DHX35: variants seen among roughly 807,000 people sequenced by gnomAD.
DHX35 encodes probable ATP-dependent RNA helicase DHX35.
A neutral mutation model predicts 99.6 loss-of-function variants in DHX35; 84 were observed. That is an observed-to-expected ratio of 0.84 (90% CI 0.71 to 1.01). The LOEUF (loss-of-function observed/expected upper bound fraction) is 1.01. Ranked by LOEUF, DHX35 falls within the 50% of genes least tolerant of loss-of-function variation. The probability of loss-of-function intolerance (pLI) is 0.00; values close to 1 mark genes in which losing one functional copy is unlikely to be tolerated. For synonymous variants in DHX35, 331 were observed against 316.2 expected (o/e 1.05, Z -0.50); for missense variants, 852 against 888.5 (o/e 0.96, Z 0.52).
intron 1 of DHX35, 50 bp downstream of exon 1, chr20:38,962,457 CT>C (rs1219615138): frequency 6.3e-7 from 1 of 1,595,284 alleles, no homozygotes; most frequent in Non-Finnish European, 8.5e-7. Flanking sequence ...TGACTTCGGT[CT>C]TGGCGCCGCG....
At position 39,001,767 on chromosome 20, in the gene DHX35, A is replaced by G. The variant is rs1315123239; in HGVS notation, c.680A>G (p.Asp227Gly). The G allele has an allele frequency of 5.0e-6, 8 of 1,611,928 alleles. No homozygotes were observed. The highest frequency in any genetic ancestry group is 1.7e-4 in the Middle Eastern group (1 of 6,050). ...RDFFNQNETS[D>G]PARDTCVILT... Reference sequence around the variant, plus strand: ...TTCTTTAATCAAAATGAAACCAGTGATCCAGCAAGGGATACATGTGTGATC... The same window carrying G: ...TTCTTTAATCAAAATGAAACCAGTGGTCCAGCAAGGGATACATGTGTGATC... The change falls in exon 9 of 22, where the codon GAT becomes GGT. Residue 227 changes from aspartate to glycine, a missense_variant. Coordinates refer to ENST00000252011, the MANE Select transcript of DHX35 (RefSeq NM_021931.4).
intron 3 of DHX35, among the ~76,000 whole-genome samples, chr20:38,974,436 C>T (rs2086046452): frequency 6.6e-6 from 1 of 152,184 alleles, no homozygotes; most frequent in Non-Finnish European, 1.5e-5. Context: ...GGGGAAGGGA[C>T]AAAGGTGCAC....
intron 7 of DHX35, among the ~76,000 whole-genome samples, chr20:38,993,616 C>T (rs749742593): frequency 5.3e-5 from 8 of 151,932 alleles, no homozygotes; most frequent in African/African-American, 1.5e-4. Flanking sequence ...CTGCCTGCCT[C>T]GGCCTCCCAA....
At chr20:38,970,301 C>T (rs4810248) in intron 2 of DHX35, among the ~76,000 whole-genome samples, 57,438 of 151,976 alleles carry the variant, frequency 0.38, 11,418 homozygotes, top group Middle Eastern at 0.51. Flanking sequence ...TTTCTCCAAA[C>T]AGATAGGCAA....
At chr20:39,024,753 T>C (rs369418215) in intron 17 of DHX35, among the ~76,000 whole-genome samples, 8 of 152,350 alleles carry the variant, frequency 5.3e-5, no homozygotes, top group Admixed American at 3.3e-4. Flanking sequence ...ATCATACTTA[T>C]GAATGCAGAA....
chr20:39,034,426 G>T (rs1021836156), intron 21 of DHX35, 109 bp downstream of exon 21: 2 of 853,552 alleles, frequency 2.3e-6, no homozygotes, highest in Non-Finnish European at 1.9e-6. Flanking sequence ...CCCCCTAGGG[G>T]TGCATAGGGT....
intron 3 of DHX35, among the ~76,000 whole-genome samples, chr20:38,976,584 C>T (rs2086082775): frequency 6.6e-6 from 1 of 152,064 alleles, no homozygotes; most frequent in South Asian, 2.1e-4. Flanking sequence ...AAACATTTAT[C>T]ATTTCTTTGT....
At chr20:39,029,566 C>T (rs2145943653) in intron 19 of DHX35, 1 of 152,108 alleles carries the variant, frequency 6.6e-6, no homozygotes, top group East Asian at 1.9e-4. Flanking sequence ...GAGCTCACCT[C>T]CCCACCCTGA....
chr20:39,023,243 C>G (rs921111243), intron 16 of DHX35, among the ~76,000 whole-genome samples: 6 of 152,156 alleles, frequency 3.9e-5, no homozygotes, highest in Non-Finnish European at 8.8e-5. Flanking sequence ...GTTAAGTAAC[C>G]AAGCTGAGTT....
intron 1 of DHX35, among the ~76,000 whole-genome samples, chr20:38,963,961 A>G (rs1180984009): frequency 6.6e-6 from 1 of 152,216 alleles, no homozygotes; most frequent in African/African-American, 2.4e-5. Context: ...TAGTCACTTA[A>G]ATTCTCAAAG....
chr20:38,998,875 C>T (rs1021612318), intron 8 of DHX35, among the ~76,000 whole-genome samples: 5 of 152,178 alleles, frequency 3.3e-5, no homozygotes, highest in African/African-American at 1.2e-4. Context: ...CGGCCCACTG[C>T]AGCCTCCGCC....
At position 39,006,013 on chromosome 20, in the gene DHX35, CTT is replaced by C. The variant is rs1156506299; in HGVS notation, c.1012-131_1012-130del. 2.9e-6 allele frequency: 3 copies of C among 1,033,852 alleles called. No individual in the cohort carries two copies. The African/African-American group carries it at 4.8e-5, about 17-fold the overall frequency. The allele number at this position is 1,033,852 out of a possible 1,614,324, so 64.0% of individuals were successfully genotyped here. A position where few individuals can be genotyped will look rare whatever the true frequency, so the allele number is the denominator to read the frequency against. ...ACCCCCTGACTTGGAAACTCACAGT[CTT>C]TCTAGTATATTAAACTGCCTCTCAC... On this transcript the variant is annotated intron_variant, in intron 11 of 21. Coordinates refer to ENST00000252011, the MANE Select transcript of DHX35 (RefSeq NM_021931.4).
intron 1 of DHX35, among the ~76,000 whole-genome samples, chr20:38,966,457 G>A (rs1415949636): frequency 6.6e-6 from 1 of 152,238 alleles, no homozygotes; most frequent in Non-Finnish European, 1.5e-5. Context: ...ATCACCAGAG[G>A]TCAGAAGTTC....
At chr20:39,029,003 T>A (rs372502703) in intron 19 of DHX35, among the ~76,000 whole-genome samples, 2 of 152,348 alleles carry the variant, frequency 1.3e-5, no homozygotes, top group African/African-American at 4.8e-5. Context: ...TTTCTAGGCA[T>A]AGGAAATCAC....
chr20:39,030,546 AG>A (rs1049549237), intron 19 of DHX35, 157 bp from the exon 20 acceptor site: 45 of 636,106 alleles, frequency 7.1e-5, no homozygotes, highest in Middle Eastern at 4.3e-4. Flanking sequence ...CAGCCAGGAG[AG>A]GGATCAAGAA....
At chr20:39,024,263 A>C (rs189343798) in intron 17 of DHX35, among the ~76,000 whole-genome samples, 207 of 152,324 alleles carry the variant, frequency 1.4e-3, no homozygotes, top group African/African-American at 4.9e-3. Flanking sequence ...TTTATTGTTA[A>C]TATTCTTTAA....
At chr20:39,034,603 T>G (rs2087116425) in intron 21 of DHX35, among the ~76,000 whole-genome samples, 1 of 125,760 alleles carries the variant, frequency 8.0e-6, no homozygotes, top group African/African-American at 3.3e-5. Context: ...TTTTTTTTTT[T>G]TTTTGAGACA....
At chr20:39,031,333 C>CTTT (rs111833262) in intron 20 of DHX35, among the ~76,000 whole-genome samples, 8 of 131,720 alleles carry the variant, frequency 6.1e-5, no homozygotes, top group African/African-American at 1.7e-4. Context: ...GCTCACGGTT[C>CTTT]TTTTTTTTTT....
At chr20:39,003,987 C>A (rs1293903011) in intron 11 of DHX35, 80 bp downstream of exon 11, 3 of 1,530,582 alleles carry the variant, frequency 2.0e-6, no homozygotes, top group African/African-American at 1.4e-5. Flanking sequence ...TTGAAACTTG[C>A]TAAACACAAG....
Sources: allele counts gnomAD v4.1 joint callset (sites outside exome capture counted in the v4.1 genomes callset), GRCh38; gene constraint gnomAD v4.1.1; transcripts MANE v1.5; gene names NCBI Gene and HGNC (gene_info 2026-07-23, HGNC 2026-07-21).